Variants in CDH9 observed in about 807,000 individuals in gnomAD.
CDH9 encodes the protein cadherin-9.
CDH9 carries 28 observed loss-of-function variants against 70.9 expected under a neutral mutation model. The observed-to-expected ratio is 0.40, with a 90% CI of 0.29 to 0.54. CDH9 has a LOEUF of 0.54. CDH9 is among the 20% of genes least tolerant of loss of function. The probability of loss-of-function intolerance (pLI) is 0.59; values close to 1 mark genes in which losing one functional copy is unlikely to be tolerated. For missense variants in CDH9, 874 were observed against 984.4 expected (o/e 0.89, Z 1.50); for synonymous variants, 409 against 343.1 (o/e 1.19, Z -2.12).
At chr5:26,926,581 G>GA (rs555710036) in intron 2 of CDH9, among the ~76,000 whole-genome samples, 14,514 of 149,526 alleles carry the variant, frequency 0.097, 865 homozygotes, top group East Asian at 0.18. Context: ...CACAGAATTG[G>GA]AAAAAAAAAC....
At position 26,882,425 on chromosome 5, in the gene CDH9, G is replaced by C. The variant is rs143607257; in HGVS notation, c.1883-802C>G. Among the ~76,000 whole-genome samples the C allele has an allele frequency of 1.2e-3, 188 of 152,052 alleles. No homozygotes were observed. In the East Asian group the frequency reaches 0.02, roughly 16 times the overall value. ...ATTGTTTACATGTCTATGTTACATA[G>C]TTAACTGTGAACTTCCCCTCATATA... On this transcript the variant is annotated intron_variant, in intron 11 of 11. Coordinates refer to ENST00000231021, the MANE Select transcript of CDH9 (RefSeq NM_016279.4).
intron 9 of CDH9, among the ~76,000 whole-genome samples, chr5:26,886,470 A>G (rs1740568901): frequency 6.6e-6 from 1 of 152,076 alleles, no homozygotes; most frequent in Non-Finnish European, 1.5e-5. Flanking sequence ...TAATTCTTCA[A>G]AGGACGAGTA....
At chr5:26,947,784 A>G (rs1024283870) in intron 2 of CDH9, among the ~76,000 whole-genome samples, 3 of 152,118 alleles carry the variant, frequency 2.0e-5, no homozygotes, top group Non-Finnish European at 2.9e-5. Context: ...TTTATTGGCC[A>G]AAAGCTGAAG....
intron 1 of CDH9, among the ~76,000 whole-genome samples, chr5:27,003,083 A>G (rs1412501824): frequency 6.6e-6 from 1 of 152,092 alleles, no homozygotes; most frequent in Non-Finnish European, 1.5e-5. Flanking sequence ...ATTTTGAAAT[A>G]TTTACGTTAT....
rs191930514 is a variant in CDH9, at chr5:26,944,795, A to G, written c.229-28871T>C. Among the ~76,000 whole-genome samples the G allele has an allele frequency of 4.5e-4, 68 of 152,234 alleles. 2 individuals carry two copies. In the Middle Eastern group the frequency reaches 0.02, roughly 46 times the overall value. On this transcript the variant is annotated intron_variant, in intron 2 of 11. Coordinates refer to ENST00000231021, the MANE Select transcript of CDH9 (RefSeq NM_016279.4). Reference sequence around the variant, plus strand: ...GTTTTTTCTTTTACTTATATTTCCAAAAATATGCATTTCAGCTCCATTTCC... The same window carrying G: ...GTTTTTTCTTTTACTTATATTTCCAGAAATATGCATTTCAGCTCCATTTCC...
intron 2 of CDH9, among the ~76,000 whole-genome samples, chr5:26,919,729 C>T (rs1741211625): frequency 6.6e-6 from 1 of 151,982 alleles, no homozygotes; most frequent in Non-Finnish European, 1.5e-5. Flanking sequence ...TGGATACCAG[C>T]TCAGTCACAG....
chr5:27,002,102 G>A (rs1048254552), intron 1 of CDH9, among the ~76,000 whole-genome samples: 1 of 152,154 alleles, frequency 6.6e-6, no homozygotes, highest in Non-Finnish European at 1.5e-5. Flanking sequence ...CCATCAAAAA[G>A]TGGGGGAGGA....
In CDH9 at chr5:26,885,789, T is replaced by C. The variant is rs943657990; in HGVS notation, c.1707A>G (p.Leu569=). ...NKMSTYLLPI[L]IFDNDYPIQS... The stretch of plus-strand genomic sequence containing the variant: ...GAATTGGATAATCGTTGTCAAAGAT[T>C]AAAATCGGCAATAAGTAGGTGCTCA... Residue 569 remains leucine (L), a synonymous_variant, in exon 11 of 12, where the codon TTA becomes TTG. Coordinates refer to ENST00000231021, the MANE Select transcript of CDH9 (RefSeq NM_016279.4). 1 of 1,613,822 alleles carries C rather than the reference T, an allele frequency of 6.2e-7. No individual in the cohort carries two copies. Among genetic ancestry groups the C allele is most frequent in the Non-Finnish European group, 8.5e-7 (1 of 1,179,914 alleles).
chr5:26,950,685 G>A (rs10044898), intron 2 of CDH9, among the ~76,000 whole-genome samples: 14,857 of 152,112 alleles, frequency 0.098, 2,399 homozygotes, highest in African/African-American at 0.34. Flanking sequence ...CATAGAAAAA[G>A]AGATCAAATA....
At chr5:26,907,732 T>C (rs1740975208) in intron 3 of CDH9, among the ~76,000 whole-genome samples, 1 of 152,116 alleles carries the variant, frequency 6.6e-6, no homozygotes, top group South Asian at 2.1e-4. Context: ...ACATCACCCT[T>C]AAATGAAGCC....
chr5:26,912,422 C>A (rs941679794), intron 3 of CDH9, among the ~76,000 whole-genome samples: 2 of 151,156 alleles, frequency 1.3e-5, no homozygotes, highest in Non-Finnish European at 3.0e-5. Flanking sequence ...AAGATCAATA[C>A]AAGTTTATGA....
intron 2 of CDH9, among the ~76,000 whole-genome samples, chr5:26,979,823 T>G (rs2112082762): frequency 6.6e-6 from 1 of 151,926 alleles, no homozygotes; most frequent in Non-Finnish European, 1.5e-5. Context: ...TGATGAAATA[T>G]TTAATCAGAA....
At chr5:26,925,389 T>C (rs1292812253) in intron 2 of CDH9, among the ~76,000 whole-genome samples, 1 of 152,170 alleles carries the variant, frequency 6.6e-6, no homozygotes, top group Non-Finnish European at 1.5e-5. Flanking sequence ...CACTTTCTGA[T>C]GGGGTTGTTT....
At chr5:26,949,835 A>G (rs1236278485) in intron 2 of CDH9, among the ~76,000 whole-genome samples, 9 of 152,168 alleles carry the variant, frequency 5.9e-5, no homozygotes, top group Admixed American at 5.9e-4. Context: ...GAGAAAACAA[A>G]ACTCTATTTG....
chr5:26,932,753 AT>A (rs1303817212), intron 2 of CDH9, among the ~76,000 whole-genome samples: 1 of 151,814 alleles, frequency 6.6e-6, no homozygotes, highest in Non-Finnish European at 1.5e-5. Context: ...TAAATAAATT[AT>A]TGTCTTATTG....
At chr5:26,952,901 C>CAAAAAAAAAAAAAAAAAAAAAAAAAAAA (rs70939788) in intron 2 of CDH9, among the ~76,000 whole-genome samples, 1 of 105,284 alleles carries the variant, frequency 9.5e-6, no homozygotes, top group Non-Finnish European at 1.9e-5. Flanking sequence ...GTTTCTATTC[C>CAAAAAAAAAAAAAAAAAAAAAAAAAAAA]AAAAAAAAAA....
intron 2 of CDH9, among the ~76,000 whole-genome samples, chr5:26,966,173 A>T (rs1742125939): frequency 6.6e-6 from 1 of 152,144 alleles, no homozygotes; most frequent in African/African-American, 2.4e-5. Context: ...TGATTGATTC[A>T]GGATGCAAAG....
At chr5:26,994,513 GTTTT>G (rs370110644) in intron 1 of CDH9, among the ~76,000 whole-genome samples, 1 of 150,674 alleles carries the variant, frequency 6.6e-6, no homozygotes, top group Admixed American at 6.6e-5. Flanking sequence ...TTTTTTTCCT[GTTTT>G]TTTTGTTTCG....
At chr5:26,882,996 C>T (rs922115256) in intron 11 of CDH9, among the ~76,000 whole-genome samples, 1 of 132,404 alleles carries the variant, frequency 7.6e-6, no homozygotes, top group East Asian at 2.3e-4. Context: ...TGTAGTTAGC[C>T]TTCACAGAAT....
Sources: gnomAD v4.1 joint callset for allele counts (sites outside exome capture counted in the v4.1 genomes callset) on GRCh38, gnomAD v4.1.1 for gene constraint, MANE v1.5 for transcripts, NCBI Gene and HGNC (gene_info 2026-07-23, HGNC 2026-07-21) for gene names.